The following SREK1IP1 variants were observed in gnomAD, a reference collection of about 807,000 sequenced individuals.
The protein encoded by SREK1IP1 is protein SREK1IP1.
Under a neutral mutation model 22.8 loss-of-function variants are expected in SREK1IP1, and 12 were observed. The ratio of observed to expected loss-of-function variants is 0.53; its 90% CI spans 0.34 to 0.85. The LOEUF (loss-of-function observed/expected upper bound fraction) is 0.85, where lower values mean the gene tolerates loss of function less well. Among genes scored for constraint, SREK1IP1 ranks in the 40% least tolerant of loss-of-function variants. SREK1IP1 has a pLI of 0.02. For synonymous variants in SREK1IP1, 53 were observed against 52.7 expected, an observed-to-expected ratio of 1.01 and a Z score of -0.02; for missense variants, 147 against 171.8, an observed-to-expected ratio of 0.86 and a Z score of 0.81.
At chr5:64,731,581 TAG>T (rs1181782736) in intron 3 of SREK1IP1, among the ~76,000 whole-genome samples, 1 of 147,862 alleles carries the variant, frequency 6.8e-6, no homozygotes, top group Non-Finnish European at 1.5e-5. Flanking sequence ...TGGCCTGAAC[TAG>T]ATATAGGACG....
intron 1 of SREK1IP1, among the ~76,000 whole-genome samples, chr5:64,760,812 T>C (rs1022618418): frequency 6.6e-6 from 1 of 152,232 alleles, no homozygotes. Context: ...CAGAAGATAT[T>C]AGACATACCT....
intron 4 of SREK1IP1, 92 bp downstream of exon 4, chr5:64,728,014 TA>T: frequency 1.9e-6 from 2 of 1,032,758 alleles, no homozygotes; most frequent in Non-Finnish European, 2.4e-6. Context: ...GAAAAAATAT[TA>T]AATTAACTAT....
At chr5:64,768,342 G>C (rs761000372) in intron 1 of SREK1IP1, among the ~76,000 whole-genome samples, 163 bp downstream of exon 1, 1 of 152,182 alleles carries the variant, frequency 6.6e-6, no homozygotes, top group African/African-American at 2.4e-5. Flanking sequence ...CAGAGTTTAT[G>C]TTTGGAGTGT....
At chr5:64,738,088 C>G (rs916659562) in intron 3 of SREK1IP1, among the ~76,000 whole-genome samples, 9 of 152,136 alleles carry the variant, frequency 5.9e-5, no homozygotes, top group African/African-American at 2.2e-4. Context: ...CTGGTATCAC[C>G]CTGATACCAA....
Position 64,751,347 on chromosome 5 carries a change from T to C in SREK1IP1, c.61+2968A>G, listed in dbSNP as rs1304718740. Among the ~76,000 whole-genome samples, 3 of 152,186 alleles carry C rather than the reference T, an allele frequency of 2.0e-5. No individual in the cohort carries two copies. The East Asian group carries it at 5.8e-4, about 29-fold the overall frequency. On this transcript the variant is annotated intron_variant, in intron 2 of 4. Coordinates refer to ENST00000513458, the MANE Select transcript of SREK1IP1 (RefSeq NM_173829.4). Reference sequence around the variant, plus strand: ...TTATTCTAAAATATGTTTAATTAAATATCATATAGGTCAACAAAATATAAA... The same window carrying C: ...TTATTCTAAAATATGTTTAATTAAACATCATATAGGTCAACAAAATATAAA...
At position 64,720,450 on chromosome 5, in the gene SREK1IP1, T is replaced by C. The variant is rs1200259830; in HGVS notation, c.*3934A>G. 1 of 152,162 alleles carries C rather than the reference T, an allele frequency of 6.6e-6. No individual in the cohort carries two copies. Among genetic ancestry groups the C allele is most frequent in the Non-Finnish European group, 1.5e-5 (1 of 68,032 alleles). 9.4% of individuals were successfully genotyped at this position (152,162 alleles called of 1,614,324 possible). A position where few individuals can be genotyped will look rare whatever the true frequency, so the allele number is the denominator to read the frequency against. On this transcript the variant is annotated 3_prime_UTR_variant, in exon 5 of 5. Coordinates refer to ENST00000513458, the MANE Select transcript of SREK1IP1 (RefSeq NM_173829.4). ...ATTTCATCTTTTAAAAATGGTGGGA[T>C]TAATCGGATTATGAAATTGATAAAA...
At chr5:64,736,821 A>C (rs928238444) in intron 3 of SREK1IP1, among the ~76,000 whole-genome samples, 2 of 152,098 alleles carry the variant, frequency 1.3e-5, no homozygotes, top group African/African-American at 4.8e-5. Context: ...TAGGAAAAAA[A>C]ACCTCTTCAT....
At chr5:64,747,051 T>C (rs530894496) in intron 2 of SREK1IP1, among the ~76,000 whole-genome samples, 3 of 152,224 alleles carry the variant, frequency 2.0e-5, no homozygotes, top group African/African-American at 4.8e-5. Flanking sequence ...AGAAGGGGCA[T>C]AGGGAAAAGA....
At chr5:64,762,682 T>C (rs934210460) in intron 1 of SREK1IP1, among the ~76,000 whole-genome samples, 2 of 152,210 alleles carry the variant, frequency 1.3e-5, no homozygotes, top group Non-Finnish European at 2.9e-5. Context: ...ATTAATAAGA[T>C]AATTTAAAAA....
At chr5:64,763,381 C>CA (rs1742984679) in intron 1 of SREK1IP1, among the ~76,000 whole-genome samples, 1 of 151,822 alleles carries the variant, frequency 6.6e-6, no homozygotes, top group Non-Finnish European at 1.5e-5. Context: ...ACTAAAAATA[C>CA]AAAAAATTAC....
chr5:64,727,874 T>C, intron 4 of SREK1IP1: 4 of 295,230 alleles, frequency 1.4e-5, no homozygotes. Flanking sequence ...TTAAATTCTA[T>C]TAATAAGTTA....
At chr5:64,739,377 A>C (rs1742516694) in intron 3 of SREK1IP1, among the ~76,000 whole-genome samples, 1 of 152,082 alleles carries the variant, frequency 6.6e-6, no homozygotes, top group Admixed American at 6.6e-5. Flanking sequence ...TGGGGTGATG[A>C]AGGGAAGTCA....
rs1580532278 is a variant in SREK1IP1, at chr5:64,720,208, T to C, written c.*4176A>G. The C allele has an allele frequency of 6.6e-6, 1 of 152,132 alleles. No homozygotes were observed. Among genetic ancestry groups the C allele is most frequent in the Non-Finnish European group, 1.5e-5 (1 of 68,010 alleles). 9.4% of individuals were successfully genotyped at this position (152,132 alleles called of 1,614,324 possible). On this transcript the variant is annotated 3_prime_UTR_variant, in exon 5 of 5. Coordinates refer to ENST00000513458, the MANE Select transcript of SREK1IP1 (RefSeq NM_173829.4). ...TAAGTCAGTCAAAAATAACCTAAAA[T>C]ACAATTAAGAACAAAACACATCTCA...
intron 1 of SREK1IP1, among the ~76,000 whole-genome samples, chr5:64,767,879 C>A (rs983974899): frequency 5.3e-5 from 8 of 152,110 alleles, no homozygotes; most frequent in Admixed American, 5.2e-4. Flanking sequence ...ACGAGAAAAT[C>A]TTTTAAGTAA....
chr5:64,767,829 T>C (rs1743073973), intron 1 of SREK1IP1, among the ~76,000 whole-genome samples: 1 of 152,230 alleles, frequency 6.6e-6, no homozygotes, highest in Admixed American at 6.5e-5. Flanking sequence ...GAGGAGATGC[T>C]TTCCGCTACT....
intron 3 of SREK1IP1, among the ~76,000 whole-genome samples, chr5:64,735,944 G>C (rs1200419182): frequency 6.6e-6 from 1 of 152,108 alleles, no homozygotes; most frequent in East Asian, 1.9e-4. Flanking sequence ...TAAGGTGGAA[G>C]TTGAAGTCAT....
rs1295779845 is a variant in SREK1IP1, at chr5:64,718,747, G to A, written c.*5637C>T. On this transcript the variant is annotated 3_prime_UTR_variant, in exon 5 of 5. Transcript: ENST00000513458. ...AATTTTTAAAGATTTTTATTCATAA[G>A]TGTGTTTTCTATTATAACACAGACC... is the stretch of plus-strand genomic sequence containing the variant. 1 of 151,832 alleles carries A rather than the reference G, an allele frequency of 6.6e-6. No homozygotes were observed. Among genetic ancestry groups the A allele is most frequent in the Admixed American group, 6.6e-5 (1 of 15,232 alleles). 9.4% of individuals were successfully genotyped at this position (151,832 alleles called of 1,614,324 possible). A position where few individuals can be genotyped will look rare whatever the true frequency, so the allele number is the denominator to read the frequency against.
chr5:64,760,044 A>G (rs957756353), intron 1 of SREK1IP1, among the ~76,000 whole-genome samples: 1 of 152,242 alleles, frequency 6.6e-6, no homozygotes, highest in African/African-American at 2.4e-5. Context: ...GTTATTCACT[A>G]TAGCATTGTT....
Position 64,754,335 on chromosome 5 carries a change from C to G in SREK1IP1, c.41G>C (p.Gly14Ala). The G allele has an allele frequency of 6.2e-7, 1 of 1,613,924 alleles. No individual in the cohort carries two copies. Among genetic ancestry groups the G allele is most frequent in the Non-Finnish European group, 8.5e-7 (1 of 1,179,878 alleles). The change falls in exon 2 of 5, where the codon GGC (glycine) becomes GCC (alanine). Residue 14 changes from glycine to alanine, a missense_variant. Gly to Ala is a moderately conservative substitution (Grantham distance 60). Around this residue, in one of 3 missense-constraint regions of SREK1IP1, gnomAD observed 62 missense variants for 73.3 expected, o/e 0.85. Transcript: ENST00000513458. ...PGCNKDSVRAGCKKCGYPGHL... is the reference protein window; with the variant it reads ...PGCNKDSVRAACKKCGYPGHL... ...CTTACGGTAGCCACATTTTTTACAG[C>G]CTGCTCTGACACTGTCCTTGTTGCA...
Sources: allele counts gnomAD v4.1 joint callset (sites outside exome capture counted in the v4.1 genomes callset), GRCh38; gene constraint gnomAD v4.1.1; regional missense constraint gnomAD v4.1.1; transcripts MANE v1.5; gene names NCBI Gene and HGNC (gene_info 2026-07-23, HGNC 2026-07-21).